The following RGSL1 variants were observed in gnomAD, a reference collection of about 807,000 sequenced individuals.
The protein encoded by RGSL1 is regulator of G protein signaling protein-like.
A neutral mutation model predicts 124.7 loss-of-function variants in RGSL1; 97 were observed. The observed-to-expected ratio is 0.78, with a 90% CI of 0.66 to 0.92. RGSL1 has a LOEUF of 0.92. RGSL1 is among the 40% of genes least tolerant of loss of function. The pLI is 0.00. For missense variants in RGSL1, 1,233 were observed against 1,288.4 expected, an observed-to-expected ratio of 0.96 and a Z score of 0.66; for synonymous variants, 424 against 438.1, an observed-to-expected ratio of 0.97 and a Z score of 0.40.
chr1:182,453,932 T>C, intron 1 of RGSL1, 26 bp from the exon 2 acceptor site: 1 of 1,275,432 alleles, frequency 7.8e-7, no homozygotes. Flanking sequence ...CATGTTTTGT[T>C]TTTTTATTTC....
intron 11 of RGSL1, 34 bp from the exon 12 acceptor site, chr1:182,530,210 G>A: frequency 1.4e-6 from 2 of 1,479,420 alleles, no homozygotes; most frequent in South Asian, 1.3e-5. Flanking sequence ...GGTAGATGAG[G>A]ATTACAGCTT....
At chr1:182,510,027 T>C (rs1657280036) in intron 9 of RGSL1, among the ~76,000 whole-genome samples, 1 of 76,492 alleles carries the variant, frequency 1.3e-5, no homozygotes, top group Non-Finnish European at 2.6e-5. Context: ...GAGGCGCTCC[T>C]CACATCCCAG....
intron 14 of RGSL1, among the ~76,000 whole-genome samples, chr1:182,535,514 C>A (rs1355715865): frequency 6.6e-6 from 1 of 152,196 alleles, no homozygotes; most frequent in Non-Finnish European, 1.5e-5. Context: ...CCTAGGGAAG[C>A]ATCCAGACCC....
chr1:182,490,059 T>G (rs1571556156), intron 8 of RGSL1, among the ~76,000 whole-genome samples: 1 of 152,098 alleles, frequency 6.6e-6, no homozygotes, highest in East Asian at 1.9e-4. Context: ...TGAAAAAAAA[T>G]TTCCAAAGCA....
In RGSL1 at chr1:182,474,526, A is replaced by G; in HGVS notation, c.1415A>G (p.Gln472Arg). The G allele has an allele frequency of 6.5e-7, 1 of 1,543,742 alleles. No individual in the cohort carries two copies. Among genetic ancestry groups the G allele is most frequent in the South Asian group, 1.2e-5 (1 of 83,470 alleles). ...GDVIPWIPKA[Q>R]KEICKMLSPW... ...GTGATCCCCTGGATTCCCAAAGCCC[A>G]GAAGGAGATTTGCAAGGTAGGCCAT... is the stretch of plus-strand genomic sequence containing the variant. The change falls in exon 6 of 22, where the codon CAG becomes CGG. Residue 472 changes from glutamine (Q) to arginine (R), a missense_variant. Transcript: ENST00000294854.
rs1358780680 is a variant in RGSL1 at position 182,527,840 on chromosome 1, A to G, written c.2125+68A>G. The G allele has an allele frequency of 2.2e-6, 3 of 1,341,998 alleles. No homozygotes were observed. In the African/African-American group the frequency reaches 4.4e-5, roughly 20 times the overall value. 83.1% of individuals were successfully genotyped at this position (1,341,998 alleles called of 1,614,324 possible). On this transcript the variant is annotated intron_variant, in intron 11 of 21. Coordinates refer to ENST00000294854, the MANE Select transcript of RGSL1 (RefSeq NM_001137669.2). ...GTCTTAGGAGAATAGCCTGGGAAATAGCCTACCTCATGTGAGCCCCCAGAG... is the reference window on the plus strand; with the variant it reads ...GTCTTAGGAGAATAGCCTGGGAAATGGCCTACCTCATGTGAGCCCCCAGAG...
rs552887879 is a variant in RGSL1, at chr1:182,476,358, A to T, written c.1431+1816A>T. On this transcript the variant is annotated intron_variant, in intron 6 of 21. Coordinates refer to ENST00000294854, the MANE Select transcript of RGSL1 (RefSeq NM_001137669.2). The stretch of plus-strand genomic sequence containing the variant: ...TGGAGAAGACTAGCCTATCACAGTT[A>T]CTCAGACTAAACATTTTTATATCAT... Among the ~76,000 whole-genome samples, 4 of 152,226 alleles carry T rather than the reference A, an allele frequency of 2.6e-5. No homozygotes were observed. The East Asian group carries it at 7.7e-4, about 29-fold the overall frequency.
Position 182,473,870 on chromosome 1 carries a change from G to A in RGSL1, c.759G>A (p.Arg253=). 1 of 1,551,818 alleles carries A rather than the reference G, an allele frequency of 6.4e-7. No individual in the cohort carries two copies. Among genetic ancestry groups the A allele is most frequent in the Middle Eastern group, 1.7e-4 (1 of 5,992 alleles). ...GGTACTCAAGCAGGAAAGCCAAGAG[G>A]AAGATGTGGCAATTGGTAGATCCTG... ...QKRYSSRKAK[R]KMWQLVDPDS... Residue 253 remains arginine (R), a synonymous_variant, in exon 6 of 22, where the codon AGG becomes AGA. Coordinates refer to ENST00000294854, the MANE Select transcript of RGSL1 (RefSeq NM_001137669.2).
intron 9 of RGSL1, among the ~76,000 whole-genome samples, chr1:182,504,626 G>A (rs1656676965): frequency 6.6e-6 from 1 of 151,860 alleles, no homozygotes; most frequent in African/African-American, 2.4e-5. Context: ...TTTGGGGTTG[G>A]TGTTGTTTGT....
intron 17 of RGSL1, 51 bp from the exon 18 acceptor site, chr1:182,551,049 C>T (rs1275482197): frequency 5.5e-6 from 7 of 1,268,008 alleles, no homozygotes; most frequent in Non-Finnish European, 7.9e-6. Context: ...GGTGCTCCAG[C>T]CCCCTCCACT....
At chr1:182,472,232 C>G (rs115848807) in intron 4 of RGSL1, among the ~76,000 whole-genome samples, 164 bp from the exon 5 acceptor site, 3 of 152,148 alleles carry the variant, frequency 2.0e-5, no homozygotes, top group Non-Finnish European at 2.9e-5. Context: ...AATTCTCCCC[C>G]ACAGTAGAAC....
At chr1:182,463,893 T>C (rs1653056353) in intron 4 of RGSL1, among the ~76,000 whole-genome samples, 1 of 152,170 alleles carries the variant, frequency 6.6e-6, no homozygotes, top group Admixed American at 6.6e-5. Flanking sequence ...GACACTCTAC[T>C]CAACAACAAC....
chr1:182,554,499 C>T (rs1345343382), intron 19 of RGSL1, 128 bp from the exon 20 acceptor site: 4 of 746,732 alleles, frequency 5.4e-6, no homozygotes, highest in East Asian at 2.7e-5. Flanking sequence ...TTTACCTTCA[C>T]TTTCCAACCC....
In RGSL1 at chr1:182,488,992, T is replaced by C. The variant is rs1351720580; in HGVS notation, c.1507T>C (p.Phe503Leu). ...CCTCTTCTCTTAGACACAGAACAGG[T>C]TCATCAGCTCCAGACAGCATAAAAG... is the stretch of plus-strand genomic sequence containing the variant. The part of the protein sequence containing the change: ...WFLLFTTQNR[F>L]ISSRQHKREF... The change falls in exon 8 of 22, where the codon TTC (phenylalanine) becomes CTC (leucine). Residue 503 changes from phenylalanine to leucine, a missense_variant. Physicochemically the swap from Phe to Leu is conservative, Grantham distance 22. Coordinates refer to ENST00000294854, the MANE Select transcript of RGSL1 (RefSeq NM_001137669.2). 1 of 1,550,446 alleles carries C rather than the reference T, an allele frequency of 6.4e-7. No homozygotes were observed. Among genetic ancestry groups the C allele is most frequent in the East Asian group, 2.4e-5 (1 of 40,928 alleles).
At chr1:182,482,235 C>T (rs984937489) in intron 6 of RGSL1, among the ~76,000 whole-genome samples, 2 of 151,922 alleles carry the variant, frequency 1.3e-5, no homozygotes, top group African/African-American at 4.8e-5. Context: ...GAAGGTACTC[C>T]CACACAATAA....
chr1:182,494,206 G>A (rs965300310), intron 9 of RGSL1, among the ~76,000 whole-genome samples: 4 of 152,208 alleles, frequency 2.6e-5, no homozygotes, highest in African/African-American at 9.6e-5. Context: ...GAATTGTCCA[G>A]TATCTGCTAT....
At chr1:182,471,383 G>A (rs1304824643) in intron 4 of RGSL1, 1 of 457,366 alleles carries the variant, frequency 2.2e-6, no homozygotes, top group Non-Finnish European at 4.4e-6. Context: ...CACAGGCAGT[G>A]CAGGTGGGTT....
upstream of RGSL1, chr1:182,450,125 C>CTAT: frequency 6.4e-7 from 1 of 1,551,590 alleles, no homozygotes; most frequent in Non-Finnish European, 8.7e-7. Context: ...GGGGGTAATT[C>CTAT]TGCCCCTAAC....
chr1:182,456,759 A>G (rs1026712962), intron 2 of RGSL1, among the ~76,000 whole-genome samples: 5 of 152,262 alleles, frequency 3.3e-5, no homozygotes, highest in African/African-American at 1.2e-4. Context: ...AAAGAGAGAC[A>G]GCAGTAGTAG....
Sources: allele counts gnomAD v4.1 joint callset (sites outside exome capture counted in the v4.1 genomes callset), GRCh38; gene constraint gnomAD v4.1.1; transcripts MANE v1.5; gene names NCBI Gene and HGNC (gene_info 2026-07-23, HGNC 2026-07-21).